QDPR: variants seen among roughly 807,000 people sequenced by gnomAD.
The protein encoded by QDPR is quinoid dihydropteridine reductase.
A neutral mutation model predicts 31.7 loss-of-function variants in QDPR; 23 were observed. The observed-to-expected ratio is 0.73, with a 90% confidence interval of 0.52 to 1.03. The LOEUF (loss-of-function observed/expected upper bound fraction) is 1.03. QDPR is among the 50% of genes least tolerant of loss of function. QDPR has a pLI of 0.00. For synonymous variants in QDPR, 124 were observed against 124.7 expected (o/e 0.99, Z 0.03); for missense variants, 324 against 323.8 (o/e 1.00, Z 0.00).
chr4:17,497,287 A>T (rs1718397171), intron 4 of QDPR, among the ~76,000 whole-genome samples: 1 of 152,140 alleles, frequency 6.6e-6, no homozygotes, highest in African/African-American at 2.4e-5. Flanking sequence ...AACTGATTAA[A>T]TTATTTAAAT....
intron 2 of QDPR, among the ~76,000 whole-genome samples, chr4:17,507,088 T>C (rs543976030): frequency 7.2e-5 from 11 of 152,336 alleles, no homozygotes; most frequent in African/African-American, 2.6e-4. Context: ...AAATTTGTTA[T>C]AAAAACCAGA....
chr4:17,502,658 A>T (rs536527607), intron 3 of QDPR, among the ~76,000 whole-genome samples: 5 of 152,246 alleles, frequency 3.3e-5, no homozygotes, highest in Non-Finnish European at 7.3e-5. Flanking sequence ...TCTCACATTG[A>T]CATGTGGGTC....
intron 1 of QDPR, among the ~76,000 whole-genome samples, chr4:17,510,548 G>T (rs1329844521): frequency 6.6e-6 from 1 of 152,124 alleles, no homozygotes; most frequent in South Asian, 2.1e-4. Flanking sequence ...ACAATGAAAA[G>T]TCTCCATCAT....
chr4:17,489,246 A>G (rs1718074182), intron 6 of QDPR, among the ~76,000 whole-genome samples: 1 of 152,140 alleles, frequency 6.6e-6, no homozygotes, highest in African/African-American at 2.4e-5. Context: ...TTCAAATACC[A>G]CAAATGGGTG....
chr4:17,503,508 A>G (rs1028019137), intron 3 of QDPR, among the ~76,000 whole-genome samples: 4 of 152,166 alleles, frequency 2.6e-5, no homozygotes, highest in African/African-American at 9.7e-5. Context: ...ACAAAAAACA[A>G]TGCACAAAGT....
At chr4:17,490,603 A>G in intron 6 of QDPR, 59 bp downstream of exon 6, 1 of 1,406,356 alleles carries the variant, frequency 7.1e-7, no homozygotes, top group African/African-American at 1.4e-5. Context: ...TCTGGACCAC[A>G]GCAGGCAGAG....
chr4:17,504,343 G>T, intron 3 of QDPR, 36 bp downstream of exon 3: 1 of 1,569,956 alleles, frequency 6.4e-7, no homozygotes, highest in Non-Finnish European at 8.8e-7. Flanking sequence ...AAAAAGAGCA[G>T]AGCAGAACAA....
chr4:17,496,316 A>T (rs1028789809), intron 4 of QDPR, among the ~76,000 whole-genome samples: 1 of 151,772 alleles, frequency 6.6e-6, no homozygotes, highest in Non-Finnish European at 1.5e-5. Context: ...GTGGTGATGC[A>T]TGCCTGTAAT....
Position 17,486,531 on chromosome 4 carries a change from AAGAC to A in QDPR, c.*596_*599del, listed in dbSNP as rs975828016. On this transcript the variant is annotated 3_prime_UTR_variant, in exon 7 of 7. Transcript: ENST00000281243. ...TATATAAGATGTGATTTGATTAAAGAAGACAGACAACAAGTGCATTTATTAGGAA... is the reference window on the plus strand; with the variant it reads ...TATATAAGATGTGATTTGATTAAAGAAGACAACAAGTGCATTTATTAGGAA... 6.4e-6 allele frequency: 1 copy of A among 155,350 alleles called. No individual in the cohort carries two copies. Among genetic ancestry groups the A allele is most frequent in the African/African-American group, 2.4e-5 (1 of 41,482 alleles). The allele number at this position is 155,350 out of a possible 1,614,324, so 9.6% of individuals were successfully genotyped here.
chr4:17,493,542 G>A (rs1718244881), intron 4 of QDPR, among the ~76,000 whole-genome samples: 2 of 152,264 alleles, frequency 1.3e-5, no homozygotes, highest in African/African-American at 4.8e-5. Flanking sequence ...GCAATAATTT[G>A]CTAGAATGGC....
intron 4 of QDPR, among the ~76,000 whole-genome samples, chr4:17,496,364 G>A (rs1272938688): frequency 7.2e-6 from 1 of 138,314 alleles, no homozygotes; most frequent in Non-Finnish European, 1.5e-5. Context: ...AGAATTGCTT[G>A]AACCAGGAGT....
rs1717981015 is a variant in QDPR, at chr4:17,486,997, T to C, written c.*134A>G. 5 of 746,238 alleles carry C rather than the reference T, an allele frequency of 6.7e-6. No homozygotes were observed. The highest frequency in any genetic ancestry group is 1.2e-5 in the Non-Finnish European group (5 of 414,076). 46.2% of individuals were successfully genotyped at this position (746,238 alleles called of 1,614,324 possible). A position where few individuals can be genotyped will look rare whatever the true frequency, so the allele number is the denominator to read the frequency against. On this transcript the variant is annotated 3_prime_UTR_variant, in exon 7 of 7. Transcript: ENST00000281243. ...CTGTCCTAGGAGAGCAAATGCATAT[T>C]ATGTGAGAGAAAAATAGGACTCATT...
At chr4:17,492,079 T>G (rs1718183263) in intron 5 of QDPR, among the ~76,000 whole-genome samples, 153 bp downstream of exon 5, 1 of 152,272 alleles carries the variant, frequency 6.6e-6, no homozygotes. Context: ...TCAAACAGAT[T>G]AAGATAATAA....
chr4:17,503,880 G>A (rs1300604824), intron 3 of QDPR, among the ~76,000 whole-genome samples: 1 of 152,004 alleles, frequency 6.6e-6, no homozygotes, highest in African/African-American at 2.4e-5. Flanking sequence ...GAACCTGGGA[G>A]GCAGAGGTTG....
intron 6 of QDPR, among the ~76,000 whole-genome samples, chr4:17,489,091 T>C (rs994903457): frequency 4.6e-5 from 7 of 152,242 alleles, no homozygotes; most frequent in Non-Finnish European, 8.8e-5. Flanking sequence ...TTTGCTGCGA[T>C]GCATGTTTTA....
In QDPR at chr4:17,512,086, C is replaced by G. The variant is rs1448592322; in HGVS notation, c.-32G>C. 6.6e-7 allele frequency: 1 copy of G among 1,514,388 alleles called. No individual in the cohort carries two copies. Among genetic ancestry groups the G allele is most frequent in the South Asian group, 1.2e-5 (1 of 82,178 alleles). 93.8% of individuals were successfully genotyped at this position (1,514,388 alleles called of 1,614,324 possible). A position where few individuals can be genotyped will look rare whatever the true frequency, so the allele number is the denominator to read the frequency against. On this transcript the variant is annotated 5_prime_UTR_variant, in exon 1 of 7. Coordinates refer to ENST00000281243, the MANE Select transcript of QDPR (RefSeq NM_000320.3). ...CCTGCCAGCCCGGCTCCCGCAGCTC[C>G]GAATGCCTCGAGCCGGAGCGCCGCG...
At chr4:17,502,732 G>T (rs1718615685) in intron 3 of QDPR, among the ~76,000 whole-genome samples, 1 of 152,202 alleles carries the variant, frequency 6.6e-6, no homozygotes, top group African/African-American at 2.4e-5. Context: ...GACAGAATTA[G>T]AAAACTACCA....
chr4:17,490,375 G>A (rs1718115314), intron 6 of QDPR: 1 of 407,276 alleles, frequency 2.5e-6, no homozygotes, highest in Admixed American at 3.5e-5. Flanking sequence ...ATACAGGTGG[G>A]GAAACTGAGG....
intron 4 of QDPR, among the ~76,000 whole-genome samples, chr4:17,497,982 G>C (rs952082243): frequency 1.3e-5 from 2 of 152,186 alleles, no homozygotes; most frequent in African/African-American, 4.8e-5. Flanking sequence ...TGCCCCGCAG[G>C]CATGTGGCAG....
Sources: gnomAD v4.1 joint callset for allele counts (sites outside exome capture counted in the v4.1 genomes callset) on GRCh38, gnomAD v4.1.1 for gene constraint, MANE v1.5 for transcripts, NCBI Gene and HGNC (gene_info 2026-07-23, HGNC 2026-07-21) for gene names.